The following COMMD5 variants were observed in gnomAD, a reference collection of about 807,000 sequenced individuals.
COMMD5 encodes the protein COMM domain-containing protein 5.
COMMD5 carries 10 observed loss-of-function variants against 6.9 expected under a neutral mutation model. The ratio of observed to expected loss-of-function variants is 1.44; its 90% CI spans 0.89 to 2.45. COMMD5 has a LOEUF of 2.45. Among genes scored for constraint, COMMD5 ranks in the 30% most tolerant of loss-of-function variants. The pLI is 0.00. For missense variants in COMMD5, 234 were observed against 287.8 expected (o/e 0.81, Z 1.35); for synonymous variants, 127 against 125.3 (o/e 1.01, Z -0.09).
Position 144,850,495 on chromosome 8 carries a change from A to G in COMMD5, c.*169T>C. ...TACTTCCAAAAAGAAAAAAAGGCATAGCTCTCTTTTTCAATTAAACAGAAA... is the reference window on the plus strand; with the variant it reads ...TACTTCCAAAAAGAAAAAAAGGCATGGCTCTCTTTTTCAATTAAACAGAAA... On this transcript the variant is annotated 3_prime_UTR_variant, in exon 2 of 2. Coordinates refer to ENST00000305103, the MANE Select transcript of COMMD5 (RefSeq NM_014066.4). The surrounding 1 kb of genome is among the most constrained non-coding windows in gnomAD (Gnocchi z 4.0). 2 of 754,510 alleles carry G rather than the reference A, an allele frequency of 2.7e-6. No homozygotes were observed. Among genetic ancestry groups the G allele is most frequent in the Non-Finnish European group, 4.1e-6 (2 of 484,034 alleles). 46.7% of individuals were successfully genotyped at this position (754,510 alleles called of 1,614,324 possible). A position where few individuals can be genotyped will look rare whatever the true frequency, so the allele number is the denominator to read the frequency against.
intron 1 of COMMD5, chr8:144,842,138 G>A: frequency 6.2e-7 from 1 of 1,614,190 alleles, no homozygotes; most frequent in Non-Finnish European, 8.5e-7. Flanking sequence ...AAAGCCTTCA[G>A]CCAGCAGTCG....
At chr8:144,839,622 C>T (rs576115411), downstream of COMMD5, among the ~76,000 whole-genome samples, 60 of 152,370 alleles carry the variant, frequency 3.9e-4, 1 homozygote, top group Admixed American at 2.1e-3. Context: ...GTGAGAGCTG[C>T]TGTTGATGGA....
At chr8:144,847,005 A>C (rs1349335643), downstream of COMMD5, 1 of 152,086 alleles carries the variant, frequency 6.6e-6, no homozygotes, top group African/African-American at 2.4e-5. Flanking sequence ...GCTGAGGAGG[A>C]GTCCTCTTCT....
Position 144,850,947 on chromosome 8 carries a change from A to G in COMMD5, c.392T>C (p.Phe131Ser). ...DLVGDLASVV[F>S]GSQRPLLDSV... is the part of the protein sequence containing the mutation. ...ATCAAGGAGGGGCCGCTGGCTCCCA[A>G]ATACCACGCTGGCCAAGTCCCCGAC... Residue 131 changes from phenylalanine (F) to serine (S), a missense_variant, in exon 2 of 2, where the codon TTT (phenylalanine) becomes TCT (serine). Transcript: ENST00000305103. The surrounding 1 kb of genome is among the most constrained non-coding windows in gnomAD (Gnocchi z 4.0). 1 of 1,608,994 alleles carries G rather than the reference A, an allele frequency of 6.2e-7. No individual in the cohort carries two copies. Among genetic ancestry groups the G allele is most frequent in the South Asian group, 1.1e-5 (1 of 90,502 alleles).
downstream of COMMD5, chr8:144,845,839 T>TC (rs1830481151): frequency 2.6e-6 from 2 of 775,008 alleles, no homozygotes; most frequent in Non-Finnish European, 4.1e-6. Flanking sequence ...CCGGAACTTC[T>TC]GTGCACGTGG....
chr8:144,849,321 C>G (rs1054097394), downstream of COMMD5, among the ~76,000 whole-genome samples: 1 of 152,134 alleles, frequency 6.6e-6, no homozygotes, highest in African/African-American at 2.4e-5. Flanking sequence ...GAGTGATCGA[C>G]CAGATGGCAG....
Position 144,850,989 on chromosome 8 carries a change from C to A in COMMD5, c.350G>T (p.Cys117Phe). 1 of 1,612,230 alleles carries A rather than the reference C, an allele frequency of 6.2e-7. No homozygotes were observed. ...GTCCCCGACCAGGTCTTGGGGGATGCAGAGCTCCTGGAGCTGGTCCCTGAA... is the reference window on the plus strand; with the variant it reads ...GTCCCCGACCAGGTCTTGGGGGATGAAGAGCTCCTGGAGCTGGTCCCTGAA... ...DTFRDQLQEL[C>F]IPQDLVGDLA... The change falls in exon 2 of 2, where the codon TGC becomes TTC. Residue 117 changes from cysteine to phenylalanine, a missense_variant. By Grantham distance (205) the Cys-to-Phe change is radical. Transcript: ENST00000305103. This position sits in a 1 kb window ranked among gnomAD's most constrained non-coding sequence, Gnocchi z 4.0.
intron 1 of COMMD5, chr8:144,841,984 C>T (rs750642142): frequency 2.5e-6 from 4 of 1,614,188 alleles, no homozygotes; most frequent in Admixed American, 3.3e-5. Flanking sequence ...GAGCTCAAAA[C>T]TTATTCAGCA....
intron 1 of COMMD5, chr8:144,852,364 G>A (rs564677070): frequency 3.3e-5 from 5 of 152,532 alleles, no homozygotes; most frequent in African/African-American, 9.6e-5. Flanking sequence ...GGCAACTAAA[G>A]AGGGTTCCGA....
At chr8:144,844,430 G>T (rs1162038554) in intron 1 of COMMD5, among the ~76,000 whole-genome samples, 1 of 152,166 alleles carries the variant, frequency 6.6e-6, no homozygotes, top group Admixed American at 6.5e-5. Flanking sequence ...ACGAAAATGG[G>T]CCGGGCGTGG....
chr8:144,841,837 T>A lies in COMMD5; in HGVS notation c.*117-94A>T, dbSNP rs77775951. 1.9e-6 allele frequency: 3 copies of A among 1,614,140 alleles called. No homozygotes were observed. In the East Asian group the frequency reaches 6.7e-5, roughly 36 times the overall value. On this transcript the variant is annotated intron_variant and NMD_transcript_variant, in intron 1 of 1. Transcript: ENST00000530332. ...CTTGCAGGGGAAACATACAAATAACTGCCATGGAGAGAAGCCGTACGAATG... is the reference window on the plus strand; with the variant it reads ...CTTGCAGGGGAAACATACAAATAACAGCCATGGAGAGAAGCCGTACGAATG...
intron 1 of COMMD5, among the ~76,000 whole-genome samples, chr8:144,844,151 C>T (rs1053397469): frequency 1.3e-5 from 2 of 152,196 alleles, no homozygotes; most frequent in African/African-American, 2.4e-5. Context: ...CCCTGAAACT[C>T]AGAGCCTTAT....
rs1477834206 is a variant in COMMD5, at chr8:144,850,267, A to T, written c.*397T>A. The T allele has an allele frequency of 5.8e-6, 1 of 173,486 alleles. No individual in the cohort carries two copies. The highest frequency in any genetic ancestry group is 1.2e-5 in the Non-Finnish European group (1 of 80,854). 10.7% of individuals were successfully genotyped at this position (173,486 alleles called of 1,614,324 possible). ...CTCCATGGGGTCAGGGATTTAAGGC[A>T]GAAGAGTGAAAATGCCCAACCTAAA... On this transcript the variant is annotated 3_prime_UTR_variant, in exon 2 of 2. Transcript: ENST00000305103. This position sits in a 1 kb window ranked among gnomAD's most constrained non-coding sequence, Gnocchi z 4.0.
At chr8:144,842,184 G>A in intron 1 of COMMD5, 2 of 1,614,046 alleles carry the variant, frequency 1.2e-6, no homozygotes, top group Non-Finnish European at 1.7e-6. Flanking sequence ...ACACTGGGGA[G>A]AGGCCCTACC....
chr8:144,843,128 G>C, intron 1 of COMMD5: 1 of 1,606,996 alleles, frequency 6.2e-7, no homozygotes, highest in Non-Finnish European at 8.5e-7. Flanking sequence ...TTTAATCGTA[G>C]CTCAAGGCTT....
downstream of COMMD5, among the ~76,000 whole-genome samples, chr8:144,849,223 T>C (rs1028398569): frequency 9.9e-5 from 15 of 152,194 alleles, no homozygotes; most frequent in African/African-American, 3.6e-4. Context: ...TGGCTGGTCA[T>C]ATTCCTGATC....
chr8:144,843,069 A>C, intron 1 of COMMD5: 2 of 1,614,010 alleles, frequency 1.2e-6, no homozygotes, highest in Non-Finnish European at 1.7e-6. Context: ...TACACCAGAG[A>C]ATTCACACCG....
downstream of COMMD5, among the ~76,000 whole-genome samples, chr8:144,845,245 G>A (rs1376337566): frequency 6.6e-6 from 1 of 152,098 alleles, no homozygotes; most frequent in Admixed American, 6.5e-5. Context: ...TACTCACTGT[G>A]GTTGTCAGGG....
downstream of COMMD5, among the ~76,000 whole-genome samples, chr8:144,847,821 C>T (rs1413544225): frequency 6.6e-6 from 1 of 152,152 alleles, no homozygotes; most frequent in Non-Finnish European, 1.5e-5. Context: ...GGAGTAATTT[C>T]CCAGATGCAG....
Sources: allele counts gnomAD v4.1 joint callset (sites outside exome capture counted in the v4.1 genomes callset), GRCh38; gene constraint gnomAD v4.1.1; non-coding constraint Gnocchi (gnomAD v3.1); transcripts MANE v1.5; gene names NCBI Gene and HGNC (gene_info 2026-07-23, HGNC 2026-07-21).